The following GPR158 variants were observed in gnomAD, a reference collection of about 807,000 sequenced individuals.
GPR158 encodes G protein-coupled receptor 158, also known as metabotropic glycine receptor.
GPR158 carries 30 observed loss-of-function variants against 78.2 expected under a neutral mutation model. That is an observed-to-expected ratio of 0.38 (90% CI 0.29 to 0.52). The LOEUF is 0.52. Among genes scored for constraint, GPR158 ranks in the 20% least tolerant of loss-of-function variants. GPR158 has a pLI of 0.83. For missense variants in GPR158, 1,463 were observed against 1,523.5 expected, an observed-to-expected ratio of 0.96 and a Z score of 0.66; for synonymous variants, 581 against 591.1, an observed-to-expected ratio of 0.98 and a Z score of 0.25.
At chr10:25,323,528 A>ATTT (rs3054021) in intron 2 of GPR158, among the ~76,000 whole-genome samples, 28 of 144,138 alleles carry the variant, frequency 1.9e-4, no homozygotes, top group African/African-American at 4.8e-4. Flanking sequence ...TCTTAGGTAG[A>ATTT]TTTTTTTTTT....
At chr10:25,472,758 T>TTGTC (rs534349358) in intron 5 of GPR158, among the ~76,000 whole-genome samples, 6 of 149,204 alleles carry the variant, frequency 4.0e-5, no homozygotes, top group Admixed American at 1.3e-4. Flanking sequence ...ATTTGGCTGT[T>TTGTC]TGTTATTGGT....
intron 5 of GPR158, among the ~76,000 whole-genome samples, chr10:25,472,216 G>A (rs1835516688): frequency 1.3e-5 from 2 of 152,040 alleles, no homozygotes; most frequent in Admixed American, 1.3e-4. Context: ...TTATTAAATA[G>A]GGAATCCTTT....
chr10:25,300,924 CAGAT>C (rs1187389976), intron 2 of GPR158, among the ~76,000 whole-genome samples: 2 of 152,080 alleles, frequency 1.3e-5, no homozygotes, highest in African/African-American at 4.8e-5. Context: ...GAGGCACTAT[CAGAT>C]AGGACACAGT....
chr10:25,241,131 T>C (rs1009407291), intron 2 of GPR158, among the ~76,000 whole-genome samples: 1 of 34,064 alleles, frequency 2.9e-5, no homozygotes, highest in South Asian at 8.8e-4. Context: ...TTGATTTTCT[T>C]TCTTTCTTTC....
intron 2 of GPR158, among the ~76,000 whole-genome samples, chr10:25,386,278 G>A (rs1834220316): frequency 6.6e-6 from 1 of 152,076 alleles, no homozygotes; most frequent in Non-Finnish European, 1.5e-5. Flanking sequence ...TTTCTGGGCT[G>A]TCTATTCCAT....
At chr10:25,177,673 T>A (rs1313173102) in intron 1 of GPR158, among the ~76,000 whole-genome samples, 1 of 152,130 alleles carries the variant, frequency 6.6e-6, no homozygotes, top group Non-Finnish European at 1.5e-5. Flanking sequence ...AGTGAGGGAG[T>A]TGAACTAGAC....
chr10:25,193,405 T>C (rs1007565988), intron 1 of GPR158, among the ~76,000 whole-genome samples: 3 of 152,060 alleles, frequency 2.0e-5, no homozygotes, highest in Admixed American at 1.3e-4. Context: ...CAAGCTGAGG[T>C]CATCACATTC....
At chr10:25,373,554 AT>A (rs1834034376) in intron 2 of GPR158, among the ~76,000 whole-genome samples, 1 of 151,824 alleles carries the variant, frequency 6.6e-6, no homozygotes, top group Non-Finnish European at 1.5e-5. Flanking sequence ...TAGTATATGA[AT>A]TTAGGGCGAT....
chr10:25,186,230 G>C lies in GPR158; in HGVS notation c.902+9908G>C, dbSNP rs1564385493. ...TGGGACACATTTAAAGCGGTGTGTA[G>C]AGGGAAATTTATAGCACTAAATGCC... On this transcript the variant is annotated intron_variant, in intron 1 of 10. Transcript: ENST00000376351. Among the ~76,000 whole-genome samples, 4 of 152,326 alleles carry C rather than the reference G, an allele frequency of 2.6e-5. 1 individual carries two copies. In the South Asian group the frequency reaches 8.3e-4, roughly 32 times the overall value.
At chr10:25,317,998 C>T (rs1320460062) in intron 2 of GPR158, among the ~76,000 whole-genome samples, 3 of 152,178 alleles carry the variant, frequency 2.0e-5, no homozygotes, top group Non-Finnish European at 2.9e-5. Flanking sequence ...GCTAGGATTA[C>T]AAGCGTGAGT....
intron 2 of GPR158, among the ~76,000 whole-genome samples, chr10:25,318,441 G>A (rs1025059559): frequency 6.6e-6 from 1 of 151,986 alleles, no homozygotes; most frequent in African/African-American, 2.4e-5. Context: ...TAGACGTTGT[G>A]TTTCTGAGGG....
At chr10:25,472,023 A>T (rs952793036) in intron 5 of GPR158, among the ~76,000 whole-genome samples, 34 of 152,188 alleles carry the variant, frequency 2.2e-4, no homozygotes, top group African/African-American at 8.0e-4. Flanking sequence ...TGTTGTAGAC[A>T]TGAAGTCCTT....
intron 2 of GPR158, among the ~76,000 whole-genome samples, chr10:25,307,226 G>GTT (rs575015040): frequency 1.4e-5 from 2 of 145,404 alleles, no homozygotes; most frequent in Non-Finnish European, 3.0e-5. Context: ...TAAAGATAGT[G>GTT]TTTTTTTTTT....
chr10:25,403,507 ATTTGT>A (rs1834472057), intron 3 of GPR158, among the ~76,000 whole-genome samples: 1 of 151,978 alleles, frequency 6.6e-6, no homozygotes, highest in Admixed American at 6.6e-5. Flanking sequence ...TTCAGGAAGT[ATTTGT>A]TTTATCTGAA....
intron 2 of GPR158, among the ~76,000 whole-genome samples, chr10:25,286,902 T>C (rs1461881393): frequency 2.0e-5 from 3 of 152,204 alleles, no homozygotes; most frequent in African/African-American, 7.2e-5. Flanking sequence ...TGCTGTGCAC[T>C]AAGCTTCAGG....
rs1855048652 is a variant in GPR158, at chr10:25,327,221, T to C, written c.1009-68690T>C. 2.0e-5 allele frequency among the ~76,000 whole-genome samples: 3 copies of C among 151,860 alleles called. No individual in the cohort carries two copies. The South Asian group carries it at 6.2e-4, about 32-fold the overall frequency. On this transcript the variant is annotated intron_variant, in intron 2 of 10. Transcript: ENST00000376351. ...AAAACCACCCTAAATACCTGCGATA[T>C]CTTGCTGCCTTATACACAGGACACT...
At chr10:25,470,381 C>T (rs1002449251) in intron 5 of GPR158, among the ~76,000 whole-genome samples, 4 of 151,970 alleles carry the variant, frequency 2.6e-5, no homozygotes, top group Non-Finnish European at 5.9e-5. Context: ...GAGTTTGGCC[C>T]TTTTTGTTCT....
intron 7 of GPR158, among the ~76,000 whole-genome samples, chr10:25,585,929 C>G (rs2152212): frequency 6.6e-6 from 1 of 152,178 alleles, no homozygotes; most frequent in Non-Finnish European, 1.5e-5. Flanking sequence ...CAGTGTGCCA[C>G]GATCGTGCCA....
At chr10:25,539,702 T>C (rs979237101) in intron 5 of GPR158, among the ~76,000 whole-genome samples, 6 of 152,116 alleles carry the variant, frequency 3.9e-5, no homozygotes, top group Non-Finnish European at 5.9e-5. Flanking sequence ...TTTGGGGTAA[T>C]AGGAGCCAAA....
Sources: allele counts gnomAD v4.1 joint callset (sites outside exome capture counted in the v4.1 genomes callset), GRCh38; gene constraint gnomAD v4.1.1; transcripts MANE v1.5; gene names NCBI Gene and HGNC (gene_info 2026-07-23, HGNC 2026-07-21).